Variants in VPS8 observed in about 807,000 individuals in gnomAD.
VPS8 encodes the protein vacuolar protein sorting-associated protein 8 homolog.
In VPS8, 129 loss-of-function variants were observed where a neutral mutation model predicts 216.4. The observed-to-expected ratio is 0.60, with a 90% CI of 0.52 to 0.69. The LOEUF (loss-of-function observed/expected upper bound fraction) is 0.69, where lower values mean the gene tolerates loss of function less well. Ranked by LOEUF, VPS8 falls within the 30% of genes least tolerant of loss-of-function variation. The probability of loss-of-function intolerance (pLI) is 0.00; values close to 1 mark genes in which losing one functional copy is unlikely to be tolerated. For missense variants in VPS8, 1,531 were observed against 1,683.5 expected (o/e 0.91, Z 1.59); for synonymous variants, 571 against 565.4 (o/e 1.01, Z -0.14).
chr3:184,984,638 T>C (rs746848689), intron 42 of VPS8, among the ~76,000 whole-genome samples: 2 of 152,222 alleles, frequency 1.3e-5, no homozygotes, highest in East Asian at 3.8e-4. Flanking sequence ...TTAGCAATTA[T>C]CATGTGTTGA....
intron 1 of VPS8, chr3:184,812,718 G>A (rs1287922887): frequency 6.6e-6 from 1 of 152,284 alleles, no homozygotes; most frequent in Non-Finnish European, 1.5e-5. Flanking sequence ...CTGAGGGACT[G>A]GCGCGCCCGC....
rs1748429376 is a variant in VPS8 at position 184,971,670 on chromosome 3, T to C, written c.3338T>C (p.Leu1113Ser). 1.5e-5 allele frequency: 25 copies of C among 1,612,994 alleles called. No homozygotes were observed. Among genetic ancestry groups the C allele is most frequent in the Non-Finnish European group, 2.1e-5 (25 of 1,179,384 alleles). The change falls in exon 40 of 48, where the codon TTG becomes TCG. Residue 1113 changes from leucine to serine, a missense_variant. By Grantham distance (145) the Leu-to-Ser change is moderately radical. Around this residue, in one of 3 missense-constraint regions of VPS8, gnomAD observed 1,318 missense variants for 1,468.4 expected, o/e 0.90. Transcript: ENST00000625842. ...CTAGATACCAAAGAGGATCCCTCAT[T>C]GAAGGATGTTGAAGATACTATGGTG... Reference protein sequence around the residue: ...QGENTKEDPSLKDVEDTMVET... With the variant: ...QGENTKEDPSSKDVEDTMVET...
Position 184,854,119 on chromosome 3 carries a change from G to A in VPS8, c.981G>A (p.Leu327=). 6.2e-7 allele frequency: 1 copy of A among 1,613,750 alleles called. No homozygotes were observed. The highest frequency in any genetic ancestry group is 8.5e-7 in the Non-Finnish European group (1 of 1,179,762). Residue 327 remains leucine (L), a synonymous_variant, in exon 13 of 48, where the codon CTG becomes CTA. Transcript: ENST00000625842. ...AACATATTTTTCTCTTACAGATACT[G>A]GTCATTGGATTGAAACCATCCTTGA... ...LLAMASLTKI[L]VIGLKPSLKV...
At chr3:184,923,002 C>T (rs1738920292) in intron 29 of VPS8, among the ~76,000 whole-genome samples, 2 of 151,626 alleles carry the variant, frequency 1.3e-5, no homozygotes, top group Admixed American at 6.6e-5. Context: ...ACTTGAAATA[C>T]CCACATATTC....
At chr3:184,927,853 T>G (rs776188734) in intron 31 of VPS8, among the ~76,000 whole-genome samples, 4 of 152,224 alleles carry the variant, frequency 2.6e-5, no homozygotes, top group African/African-American at 7.2e-5. Flanking sequence ...TTATTTCACT[T>G]GGCAGAATGT....
chr3:184,835,986 G>A (rs900117011), intron 5 of VPS8, among the ~76,000 whole-genome samples: 5 of 152,122 alleles, frequency 3.3e-5, no homozygotes, highest in African/African-American at 1.2e-4. Context: ...TAGGATTACA[G>A]GCATGAGCCA....
intron 36 of VPS8, among the ~76,000 whole-genome samples, chr3:184,949,789 C>T (rs1744320800): frequency 6.6e-6 from 1 of 152,076 alleles, no homozygotes; most frequent in Non-Finnish European, 1.5e-5. Context: ...TTACATTTGG[C>T]ATTTTTAACT....
intron 45 of VPS8, among the ~76,000 whole-genome samples, chr3:185,003,671 C>G (rs1329385713): frequency 2.0e-5 from 3 of 152,212 alleles, no homozygotes; most frequent in Admixed American, 2.0e-4. Context: ...CTGTTGGGTA[C>G]ACCTCCCAGA....
chr3:184,866,983 T>C (rs778623224), intron 17 of VPS8, 33 bp downstream of exon 17: 3 of 1,601,548 alleles, frequency 1.9e-6, no homozygotes, highest in African/African-American at 2.7e-5. Context: ...TTGGTATTTG[T>C]ATGTATCAGG....
intron 34 of VPS8, 121 bp from the exon 35 acceptor site, chr3:184,936,125 C>G (rs1189077999): frequency 2.7e-6 from 2 of 732,620 alleles, no homozygotes; most frequent in East Asian, 5.5e-5. Flanking sequence ...ATATCAAGGT[C>G]TGCTGAAATG....
chr3:184,820,401 C>G (rs1436546670), intron 1 of VPS8, among the ~76,000 whole-genome samples: 2 of 152,144 alleles, frequency 1.3e-5, no homozygotes, highest in Non-Finnish European at 1.5e-5. Flanking sequence ...CTCTCTCTTC[C>G]CCTTTCAAGG....
intron 1 of VPS8, among the ~76,000 whole-genome samples, chr3:184,821,066 G>A (rs933098700): frequency 6.6e-6 from 1 of 152,152 alleles, no homozygotes; most frequent in Non-Finnish European, 1.5e-5. Context: ...TGAAAATTTT[G>A]AGGTTTTAAA....
intron 35 of VPS8, among the ~76,000 whole-genome samples, chr3:184,938,460 A>G (rs1742033888): frequency 6.6e-6 from 1 of 152,168 alleles, no homozygotes; most frequent in Non-Finnish European, 1.5e-5. Flanking sequence ...ACGGAAGGAC[A>G]TGAAATCCAG....
chr3:185,007,037 G>A (rs370160383), intron 45 of VPS8, among the ~76,000 whole-genome samples: 1 of 152,094 alleles, frequency 6.6e-6, no homozygotes, highest in South Asian at 2.1e-4. Context: ...CAATAATTCA[G>A]ACGTAATAGT....
chr3:184,844,506 C>T (rs1722756663), intron 8 of VPS8, among the ~76,000 whole-genome samples: 1 of 152,054 alleles, frequency 6.6e-6, no homozygotes, highest in Non-Finnish European at 1.5e-5. Context: ...TAGAGTTCCA[C>T]ACACACAATT....
chr3:185,023,054 C>T (rs1756872793), intron 45 of VPS8, among the ~76,000 whole-genome samples: 1 of 152,140 alleles, frequency 6.6e-6, no homozygotes, highest in Non-Finnish European at 1.5e-5. Context: ...TATGTATACA[C>T]TCATGAATCT....
intron 25 of VPS8, among the ~76,000 whole-genome samples, chr3:184,910,683 T>C (rs549676739): frequency 6.6e-5 from 10 of 152,342 alleles, no homozygotes; most frequent in Admixed American, 2.6e-4. Context: ...TCCATATTCG[T>C]GGTTCCCTGA....
At chr3:184,908,364 G>T (rs1201488105) in intron 25 of VPS8, among the ~76,000 whole-genome samples, 2 of 152,216 alleles carry the variant, frequency 1.3e-5, no homozygotes, top group Non-Finnish European at 2.9e-5. Flanking sequence ...AGCCCCTTGT[G>T]GGAGGGAGCA....
At chr3:184,819,110 G>A (rs770882298) in intron 1 of VPS8, among the ~76,000 whole-genome samples, 17 of 152,202 alleles carry the variant, frequency 1.1e-4, no homozygotes, top group East Asian at 3.9e-4. Context: ...TTTATATGGC[G>A]CATATCTTTT....
Sources: gnomAD v4.1 joint callset for allele counts (sites outside exome capture counted in the v4.1 genomes callset) on GRCh38, gnomAD v4.1.1 for gene constraint, gnomAD v4.1.1 regional missense constraint, MANE v1.5 for transcripts, NCBI Gene and HGNC (gene_info 2026-07-23, HGNC 2026-07-21) for gene names.